USP18: variants seen among roughly 807,000 people sequenced by gnomAD.
USP18 encodes the protein ubl carboxyl-terminal hydrolase 18.
USP18 carries 11 observed loss-of-function variants against 48.7 expected under a neutral mutation model. That is an observed-to-expected ratio of 0.23 (90% confidence interval 0.14 to 0.37). USP18 has a LOEUF of 0.37. USP18 is among the 10% of genes least tolerant of loss of function. The pLI is 1.00. For synonymous variants in USP18, 114 were observed against 163.2 expected (o/e 0.70, Z 2.30); for missense variants, 285 against 436.4 (o/e 0.65, Z 3.09).
chr22:18,164,081 G>A (rs2543720), intron 4 of USP18, among the ~76,000 whole-genome samples: 1 of 152,210 alleles, frequency 6.6e-6, no homozygotes, highest in East Asian at 1.9e-4. Context: ...GGGGCCTAGC[G>A]AATGCTGGCT....
At chr22:18,153,687 A>C (rs1377023891) in intron 1 of USP18, among the ~76,000 whole-genome samples, 1 of 152,176 alleles carries the variant, frequency 6.6e-6, no homozygotes, top group Non-Finnish European at 1.5e-5. Flanking sequence ...GCTTCAAGCT[A>C]TCCTCTTGCC....
intron 7 of USP18, 123 bp from the exon 8 acceptor site, chr22:18,170,630 C>CT: frequency 2.3e-6 from 3 of 1,288,124 alleles, no homozygotes; most frequent in Non-Finnish European, 3.2e-6. Context: ...GAACAGGAGC[C>CT]TTGAACTCCG....
At chr22:18,169,980 A>G (rs551683582) in intron 7 of USP18, 41 bp downstream of exon 7, 8 of 1,545,762 alleles carry the variant, frequency 5.2e-6, no homozygotes, top group Non-Finnish European at 7.0e-6. Context: ...CCCTCGGTGC[A>G]TATGGGGGAT....
Position 18,172,411 on chromosome 22 carries a change from C to G in USP18, c.892-739C>G, listed in dbSNP as rs529824072. Among the ~76,000 whole-genome samples the G allele has an allele frequency of 2.1e-3, 326 of 152,334 alleles. 4 individuals carry two copies. The highest frequency in any genetic ancestry group is 7.3e-3 in the African/African-American group (303 of 41,574). On this transcript the variant is annotated intron_variant, in intron 8 of 10. Coordinates refer to ENST00000215794, the MANE Select transcript of USP18 (RefSeq NM_017414.4). ...ATCAAATATCTGGTCAACGTTCAGA[C>G]TTCCTGACTGTTGTGTAATCTATGT...
At chr22:18,165,118 CCTT>C (rs1929442324) in intron 4 of USP18, among the ~76,000 whole-genome samples, 1 of 129,794 alleles carries the variant, frequency 7.7e-6, no homozygotes, top group Non-Finnish European at 1.6e-5. Flanking sequence ...CCAGGAGCCT[CCTT>C]CTCTACCATC....
intron 8 of USP18, among the ~76,000 whole-genome samples, chr22:18,172,926 C>T (rs969412012): frequency 1.4e-5 from 2 of 146,042 alleles, no homozygotes; most frequent in Non-Finnish European, 3.0e-5. Flanking sequence ...CATGACCTGC[C>T]TTCCATCTCT....
At chr22:18,151,501 G>A (rs920892647) in intron 1 of USP18, among the ~76,000 whole-genome samples, 3 of 152,134 alleles carry the variant, frequency 2.0e-5, no homozygotes, top group Non-Finnish European at 4.4e-5. Flanking sequence ...CAGGTGCACG[G>A]CTTCATATTG....
chr22:18,157,472 G>A (rs2123728653), intron 1 of USP18, 86 bp from the exon 2 acceptor site: 1 of 704,388 alleles, frequency 1.4e-6, no homozygotes, highest in East Asian at 2.7e-5. Flanking sequence ...CTCCCTCTAA[G>A]ACCTGCTCTT....
intron 4 of USP18, among the ~76,000 whole-genome samples, chr22:18,167,052 T>A (rs566769755): frequency 6.6e-6 from 1 of 152,308 alleles, no homozygotes; most frequent in East Asian, 1.9e-4. Context: ...GAGCTTAAGT[T>A]TTAAGAGGCG....
Position 18,157,589 on chromosome 22 carries a change from T to C in USP18, c.-75T>C, listed in dbSNP as rs1429313887. The C allele has an allele frequency of 1.3e-5, 21 of 1,586,976 alleles. No individual in the cohort carries two copies. The highest frequency in any genetic ancestry group is 1.7e-5 in the Non-Finnish European group (20 of 1,164,998). On this transcript the variant is annotated 5_prime_UTR_variant, in exon 2 of 11. Coordinates refer to ENST00000215794, the MANE Select transcript of USP18 (RefSeq NM_017414.4). ...CATCGTGCCTGGCTCACATAAGCGC[T>C]TCCTGGAAGTGAAGTCGTGCTGTCC... is the stretch of plus-strand genomic sequence containing the variant.
chr22:18,173,110 G>C (rs530037177), intron 8 of USP18, 40 bp from the exon 9 acceptor site: 3 of 1,602,638 alleles, frequency 1.9e-6, no homozygotes. Context: ...AGTCGTGTTT[G>C]TGGTGGTGGG....
intron 4 of USP18, among the ~76,000 whole-genome samples, chr22:18,164,382 C>T (rs571614206): frequency 4.5e-4 from 69 of 152,166 alleles, no homozygotes; most frequent in African/African-American, 1.6e-3. Context: ...CTTACAAATA[C>T]AGAGCCTTGT....
intron 6 of USP18, among the ~76,000 whole-genome samples, chr22:18,168,541 G>A (rs1440307847): frequency 6.6e-6 from 1 of 152,048 alleles, no homozygotes; most frequent in Non-Finnish European, 1.5e-5. Flanking sequence ...GATTACAGGT[G>A]CCCACCACCA....
chr22:18,171,520 C>T (rs1468060039), intron 8 of USP18, among the ~76,000 whole-genome samples: 2 of 150,786 alleles, frequency 1.3e-5, no homozygotes, highest in Non-Finnish European at 2.9e-5. Flanking sequence ...TTAGTCCCAG[C>T]TACTTGGGAG....
At chr22:18,165,750 A>T (rs564924003) in intron 4 of USP18, among the ~76,000 whole-genome samples, 1 of 150,802 alleles carries the variant, frequency 6.6e-6, no homozygotes, top group East Asian at 2.0e-4. Context: ...TGGCTTCGAA[A>T]CTTCCACCCT....
chr22:18,170,366 G>A (rs1055490666), intron 7 of USP18, among the ~76,000 whole-genome samples: 2 of 152,206 alleles, frequency 1.3e-5, no homozygotes, highest in Non-Finnish European at 2.9e-5. Flanking sequence ...CTGGGACGCT[G>A]TGGTTCTGAT....
At chr22:18,153,437 A>T (rs1474048252) in intron 1 of USP18, among the ~76,000 whole-genome samples, 1 of 151,606 alleles carries the variant, frequency 6.6e-6, no homozygotes, top group Non-Finnish European at 1.5e-5. Context: ...CTCAAAAAAA[A>T]AAAAGGAGAC....
intron 1 of USP18, among the ~76,000 whole-genome samples, chr22:18,155,822 C>T (rs934984379): frequency 3.3e-5 from 5 of 152,232 alleles, no homozygotes; most frequent in African/African-American, 9.6e-5. Context: ...GCGCCGCTCC[C>T]GGCTCCACGC....
chr22:18,155,851 A>G (rs190625905), intron 1 of USP18, among the ~76,000 whole-genome samples: 6,184 of 152,254 alleles, frequency 0.041, 163 homozygotes, highest in African/African-American at 0.074. Context: ...CCCACCGACC[A>G]CCCAAGGGCT....
Sources: gnomAD v4.1 joint callset for allele counts (sites outside exome capture counted in the v4.1 genomes callset) on GRCh38, gnomAD v4.1.1 for gene constraint, MANE v1.5 for transcripts, NCBI Gene and HGNC (gene_info 2026-07-23, HGNC 2026-07-21) for gene names.